The following SCD variants were observed in gnomAD, a reference collection of about 807,000 sequenced individuals.
The protein encoded by SCD is acyl-CoA desaturase.
Under a neutral mutation model 35.7 loss-of-function variants are expected in SCD, and 4 were observed. That is an observed-to-expected ratio of 0.11 (90% CI 0.06 to 0.26). The LOEUF (loss-of-function observed/expected upper bound fraction) is 0.26, where lower values mean the gene tolerates loss of function less well. SCD is among the 10% of genes least tolerant of loss of function. The pLI, the probability that SCD is intolerant of heterozygous loss-of-function variation, is 1.00. For synonymous variants in SCD, 150 were observed against 170.2 expected, an observed-to-expected ratio of 0.88 and a Z score of 0.92; for missense variants, 282 against 460.7, an observed-to-expected ratio of 0.61 and a Z score of 3.55.
chr10:100,361,841 C>T lies in SCD; in HGVS notation c.*908C>T, dbSNP rs1301120543. 3 of 152,058 alleles carry T rather than the reference C, an allele frequency of 2.0e-5. No individual in the cohort carries two copies. The highest frequency in any genetic ancestry group is 2.9e-5 in the Non-Finnish European group (2 of 68,030). 9.4% of individuals were successfully genotyped at this position (152,058 alleles called of 1,614,324 possible). A position where few individuals can be genotyped will look rare whatever the true frequency, so the allele number is the denominator to read the frequency against. ...TCCAGAATTGGTAAAAACAGCAGCTCATAGAATTTTGAGTATTCCATGAGC... is the reference window on the plus strand; with the variant it reads ...TCCAGAATTGGTAAAAACAGCAGCTTATAGAATTTTGAGTATTCCATGAGC... On this transcript the variant is annotated 3_prime_UTR_variant, in exon 6 of 6. Transcript: ENST00000370355.
chr10:100,354,343 T>C, intron 3 of SCD, 84 bp from the exon 4 acceptor site: 1 of 1,250,254 alleles, frequency 8.0e-7, no homozygotes, highest in Non-Finnish European at 1.2e-6. Context: ...CTGAGCGCCT[T>C]GGGCTCTTGA....
intron 1 of SCD, 75 bp from the exon 2 acceptor site, chr10:100,347,989 T>C: frequency 2.8e-6 from 4 of 1,442,140 alleles, no homozygotes; most frequent in Non-Finnish European, 2.9e-6. Flanking sequence ...TCCCCCAGCG[T>C]GATTAGAGAG....
chr10:100,356,848 C>A lies in SCD; in HGVS notation c.880+84C>A, dbSNP rs1849933972. ...TAGGAGCCAGAAAAACTAGATAAAT[C>A]TGTTTTTTATGGCTACTTTGTATCT... On this transcript the variant is annotated intron_variant, in intron 5 of 5. Transcript: ENST00000370355. This position sits in a 1 kb window ranked among gnomAD's most constrained non-coding sequence, Gnocchi z 4.1. 8.9e-7 allele frequency: 1 copy of A among 1,125,890 alleles called. No individual in the cohort carries two copies. The highest frequency in any genetic ancestry group is 2.1e-5 in the Admixed American group (1 of 47,786). 69.7% of individuals were successfully genotyped at this position (1,125,890 alleles called of 1,614,324 possible).
At chr10:100,351,333 G>A (rs1401923093) in intron 2 of SCD, among the ~76,000 whole-genome samples, 1 of 122,682 alleles carries the variant, frequency 8.2e-6, no homozygotes, top group Admixed American at 7.9e-5. Context: ...TCCCACCATT[G>A]TCTAGAGAGC....
rs753317606 is a variant in SCD, at chr10:100,356,685, T to G, written c.801T>G (p.Ala267=). 6.2e-6 allele frequency: 10 copies of G among 1,614,162 alleles called. No homozygotes were observed. Among genetic ancestry groups the G allele is most frequent in the Non-Finnish European group, 8.5e-6 (10 of 1,180,058 alleles). The change falls in exon 5 of 6, where the codon GCT becomes GCG. Residue 267 remains alanine (A), a synonymous_variant. Coordinates refer to ENST00000370355, the MANE Select transcript of SCD (RefSeq NM_005063.5). This position sits in a 1 kb window ranked among gnomAD's most constrained non-coding sequence, Gnocchi z 4.1. ...ATGCCACCTGGCTGGTGAACAGTGC[T>G]GCCCACCTCTTCGGATATCGTCCTT... is the stretch of plus-strand genomic sequence containing the variant. ...VLNATWLVNS[A]AHLFGYRPYD...
At position 100,347,429 on chromosome 10, in the gene SCD, C is replaced by T. The variant is rs1849807942; in HGVS notation, c.-76C>T. On this transcript the variant is annotated 5_prime_UTR_variant, in exon 1 of 6. Transcript: ENST00000370355. ...CGCGTACCGGCGGGCTTCGAAACCG[C>T]AGTCCTCCGGCGACCCCGAACTCCG... 6.6e-7 allele frequency: 1 copy of T among 1,514,658 alleles called. No individual in the cohort carries two copies. The highest frequency in any genetic ancestry group is 1.9e-5 in the Admixed American group (1 of 52,320). 93.8% of individuals were successfully genotyped at this position (1,514,658 alleles called of 1,614,324 possible).
chr10:100,351,632 A>G (rs1025432671), intron 2 of SCD, among the ~76,000 whole-genome samples: 3 of 151,978 alleles, frequency 2.0e-5, no homozygotes, highest in Non-Finnish European at 4.4e-5. Flanking sequence ...CAGTGCCCAG[A>G]TTGTACTGGC....
In SCD at chr10:100,347,966, T is replaced by G. The variant is rs921663665; in HGVS notation, c.28-98T>G. ...AACTACGGCGCTGCGGAAGGGTCCG[T>G]ACTGTCCACCCTTCCCCCAGCGTGA... is the stretch of plus-strand genomic sequence containing the variant. On this transcript the variant is annotated intron_variant, in intron 1 of 5. Transcript: ENST00000370355. 7.2e-6 allele frequency: 9 copies of G among 1,249,198 alleles called. No homozygotes were observed. In the African/African-American group the frequency reaches 1.0e-4, roughly 15 times the overall value. The allele number at this position is 1,249,198 out of a possible 1,614,324, so 77.4% of individuals were successfully genotyped here.
chr10:100,360,336 C>T (rs1849976698), intron 5 of SCD, among the ~76,000 whole-genome samples: 1 of 152,238 alleles, frequency 6.6e-6, no homozygotes, highest in Non-Finnish European at 1.5e-5. Context: ...AAAGTAGGAG[C>T]TTCTCTCTAG....
intron 4 of SCD, among the ~76,000 whole-genome samples, chr10:100,355,471 T>G (rs1271361195): frequency 2.0e-5 from 3 of 152,210 alleles, no homozygotes; most frequent in Non-Finnish European, 4.4e-5. Flanking sequence ...CTGGAGAGAC[T>G]AATGCCATTC....
At position 100,356,849 on chromosome 10, in the gene SCD, T is replaced by G; in HGVS notation, c.880+85T>G. The stretch of plus-strand genomic sequence containing the variant: ...AGGAGCCAGAAAAACTAGATAAATC[T>G]GTTTTTTATGGCTACTTTGTATCTC... On this transcript the variant is annotated intron_variant, in intron 5 of 5. Transcript: ENST00000370355. The surrounding 1 kb of genome is among the most constrained non-coding windows in gnomAD (Gnocchi z 4.1). 6 of 1,045,228 alleles carry G rather than the reference T, an allele frequency of 5.7e-6. 1 individual carries two copies. The Middle Eastern group carries it at 8.8e-4, about 153-fold the overall frequency. 64.7% of individuals were successfully genotyped at this position (1,045,228 alleles called of 1,614,324 possible).
At chr10:100,358,515 C>G (rs891502398) in intron 5 of SCD, among the ~76,000 whole-genome samples, 3 of 147,566 alleles carry the variant, frequency 2.0e-5, no homozygotes, top group African/African-American at 7.4e-5. Flanking sequence ...TGGCGTGAAC[C>G]CGGGAAGCGG....
Position 100,356,881 on chromosome 10 carries a change from TC to T in SCD, c.880+119del. ...TATGGCTACTTTGTATCTCAGTTTT[TC>T]CACTATAAAATTAGGGGGCAGTATA... On this transcript the variant is annotated intron_variant, in intron 5 of 5. Coordinates refer to ENST00000370355, the MANE Select transcript of SCD (RefSeq NM_005063.5). This position sits in a 1 kb window ranked among gnomAD's most constrained non-coding sequence, Gnocchi z 4.1. The T allele has an allele frequency of 2.5e-6, 2 of 793,564 alleles. No homozygotes were observed. The highest frequency in any genetic ancestry group is 3.5e-5 in the South Asian group (2 of 56,784). The allele number at this position is 793,564 out of a possible 1,614,324, so 49.2% of individuals were successfully genotyped here.
chr10:100,350,245 G>A (rs1427599845), intron 2 of SCD, among the ~76,000 whole-genome samples: 1 of 151,862 alleles, frequency 6.6e-6, no homozygotes, highest in Non-Finnish European at 1.5e-5. Flanking sequence ...TGAGAAACAA[G>A]GAGGGTGAGG....
chr10:100,348,570 C>T (rs779705239), intron 2 of SCD, among the ~76,000 whole-genome samples: 3 of 122,296 alleles, frequency 2.5e-5, no homozygotes, highest in Non-Finnish European at 5.1e-5. Context: ...GAACCTTGTG[C>T]TTGTGGGCTT....
chr10:100,353,790 C>T (rs1400566979), intron 3 of SCD, among the ~76,000 whole-genome samples: 1 of 152,168 alleles, frequency 6.6e-6, no homozygotes, highest in Non-Finnish European at 1.5e-5. Context: ...TCTGCCATAG[C>T]AGCTTATACC....
At chr10:100,357,289 G>A (rs533104284) in intron 5 of SCD, among the ~76,000 whole-genome samples, 218 of 152,356 alleles carry the variant, frequency 1.4e-3, no homozygotes, top group African/African-American at 5.0e-3. Context: ...AGAACAATGG[G>A]ATCATCTGAG....
chr10:100,359,129 G>A (rs2133596946), intron 5 of SCD, among the ~76,000 whole-genome samples: 1 of 152,150 alleles, frequency 6.6e-6, no homozygotes, highest in South Asian at 2.1e-4. Flanking sequence ...GATCTATAAT[G>A]ACCTTCCCCA....
chr10:100,355,556 A>G (rs1589699267), intron 4 of SCD, among the ~76,000 whole-genome samples: 1 of 152,328 alleles, frequency 6.6e-6, no homozygotes, highest in African/African-American at 2.4e-5. Context: ...TTGAACTGCA[A>G]TGTGGCATAG....
Sources: gnomAD v4.1 joint callset for allele counts (sites outside exome capture counted in the v4.1 genomes callset) on GRCh38, gnomAD v4.1.1 for gene constraint, Gnocchi (gnomAD v3.1) non-coding constraint, MANE v1.5 for transcripts, NCBI Gene and HGNC (gene_info 2026-07-23, HGNC 2026-07-21) for gene names.